Variants in DNAH2 observed in about 807,000 individuals in gnomAD.
DNAH2 encodes dynein axonemal heavy chain 2.
DNAH2 carries 323 observed loss-of-function variants against 523.5 expected under a neutral mutation model. The observed-to-expected ratio is 0.62, with a 90% CI of 0.56 to 0.68. DNAH2 has a LOEUF of 0.68. DNAH2 is among the 30% of genes least tolerant of loss of function. The pLI is 0.00. For missense variants in DNAH2, 4,907 were observed against 5,701.5 expected (o/e 0.86, Z 4.49); for synonymous variants, 2,093 against 2,177.4 (o/e 0.96, Z 1.08).
At chr17:7,824,007 C>T (rs1024281378) in intron 75 of DNAH2, 25 bp downstream of exon 75, 2 of 1,606,996 alleles carry the variant, frequency 1.2e-6, no homozygotes, top group Non-Finnish European at 8.5e-7. Context: ...TTCCTTGTCC[C>T]CACGGCCCAT....
In DNAH2 at chr17:7,740,412, C is replaced by T. The variant is rs1056998559; in HGVS notation, c.1377-8C>T. 2.5e-6 allele frequency: 4 copies of T among 1,613,746 alleles called. No homozygotes were observed. The highest frequency in any genetic ancestry group is 1.3e-5 in the African/African-American group (1 of 74,926). ...ACTCAGCTGCCACATGCCTCTCCAC[C>T]GGTGCAGGTTCCGTGCCGGAATCAA... On this transcript the variant is annotated splice_region_variant and splice_polypyrimidine_tract_variant and intron_variant, in intron 9 of 85. Coordinates refer to ENST00000572933, the MANE Select transcript of DNAH2 (RefSeq NM_020877.5).
chr17:7,738,494 T>C (rs771653814), intron 8 of DNAH2, among the ~76,000 whole-genome samples: 3 of 152,096 alleles, frequency 2.0e-5, no homozygotes, highest in Non-Finnish European at 2.9e-5. Context: ...CATGCCAGGC[T>C]AATTTTTTGT....
intron 64 of DNAH2, 130 bp downstream of exon 64, chr17:7,816,865 G>T (rs2077684477): frequency 8.4e-7 from 1 of 1,196,078 alleles, no homozygotes; most frequent in Non-Finnish European, 1.2e-6. Context: ...AAGAACTGAG[G>T]CGTGGGAGCT....
chr17:7,801,368 T>C (rs558125795), intron 56 of DNAH2, among the ~76,000 whole-genome samples: 3 of 152,290 alleles, frequency 2.0e-5, no homozygotes, highest in South Asian at 4.1e-4. Flanking sequence ...ACCTCGAAAG[T>C]GTAGAACCAG....
Position 7,818,455 on chromosome 17 carries a change from G to C in DNAH2, c.10531G>C (p.Glu3511Gln). 1 of 1,614,156 alleles carries C rather than the reference G, an allele frequency of 6.2e-7. No homozygotes were observed. Among genetic ancestry groups the C allele is most frequent in the Non-Finnish European group, 8.5e-7 (1 of 1,180,010 alleles). ...KTTIVNFAVKEQGLEAQLLGI... is the reference protein window; with the variant it reads ...KTTIVNFAVKQQGLEAQLLGI... ...CACCATCGTCAACTTTGCTGTTAAA[G>C]AACAGGTGGGTACAGGCTGAGGTCC... The change falls in exon 69 of 86, where the codon GAA becomes CAA. Residue 3511 changes from glutamate to glutamine, a missense_variant. Physicochemically the swap from Glu to Gln is conservative, Grantham distance 29 (BLOSUM62 2). This residue lies in a region of DNAH2 where 1,851 missense variants were observed against 2,139.4 expected (regional missense o/e 0.87). Coordinates refer to ENST00000572933, the MANE Select transcript of DNAH2 (RefSeq NM_020877.5).
intron 39 of DNAH2, among the ~76,000 whole-genome samples, chr17:7,781,772 C>T (rs1040441861): frequency 2.6e-5 from 4 of 152,266 alleles, no homozygotes; most frequent in Admixed American, 1.3e-4. Context: ...GTTGCCTTTG[C>T]ACTTTCTCCG....
chr17:7,759,446 A>G lies in DNAH2; in HGVS notation c.2473A>G (p.Met825Val), dbSNP rs775405035. ...PEIQQQWMLY[M>V]IRLDRMMEDA... is the part of the protein sequence containing the mutation. ...GATTCAGCAGCAGTGGATGCTGTAC[A>G]TGATTCGGCTGGACCGCATGATGGA... The change falls in exon 16 of 86, where the codon ATG becomes GTG. Residue 825 changes from methionine (M) to valine (V), a missense_variant. Coordinates refer to ENST00000572933, the MANE Select transcript of DNAH2 (RefSeq NM_020877.5). 6 of 1,613,728 alleles carry G rather than the reference A, an allele frequency of 3.7e-6. No individual in the cohort carries two copies. Among genetic ancestry groups the G allele is most frequent in the Non-Finnish European group, 8.5e-7 (1 of 1,179,774 alleles).
chr17:7,825,154 C>T (rs947422984), intron 77 of DNAH2, among the ~76,000 whole-genome samples: 9 of 152,214 alleles, frequency 5.9e-5, no homozygotes, highest in Admixed American at 1.3e-4. Context: ...CATCCTCTTC[C>T]GAATGTCACA....
chr17:7,741,303 T>TTTCTTTCTTTCC (rs2075331919), intron 11 of DNAH2, among the ~76,000 whole-genome samples: 2 of 76,884 alleles, frequency 2.6e-5, no homozygotes, highest in East Asian at 4.6e-4. Flanking sequence ...TCTTCCTTCC[T>TTTCTTTCTTTCC]TCCCTCCCTC....
Position 7,823,473 on chromosome 17 carries a change from C to T in DNAH2, c.11174C>T (p.Pro3725Leu). ...VLDREGQMDN[P>L]CSSWLADAYW... ...GATCGGGAGGGCCAAATGGACAATC[C>T]ATGTAGTAGCTGGCTTGCAGATGCC... is the stretch of plus-strand genomic sequence containing the variant. The change falls in exon 74 of 86, where the codon CCA becomes CTA. Residue 3725 changes from proline (P) to leucine (L), a missense_variant. Pro to Leu is a moderately conservative substitution (Grantham distance 98). Around this residue, in one of 3 missense-constraint regions of DNAH2, gnomAD observed 1,851 missense variants for 2,139.4 expected, o/e 0.87. Coordinates refer to ENST00000572933, the MANE Select transcript of DNAH2 (RefSeq NM_020877.5). 1 of 1,614,052 alleles carries T rather than the reference C, an allele frequency of 6.2e-7. No homozygotes were observed.
intron 77 of DNAH2, among the ~76,000 whole-genome samples, chr17:7,825,754 C>T (rs1180450329): frequency 3.3e-5 from 5 of 152,224 alleles, no homozygotes; most frequent in Admixed American, 2.6e-4. Context: ...TCTCTGGCAT[C>T]AGCCCCAAAG....
intron 49 of DNAH2, among the ~76,000 whole-genome samples, chr17:7,795,734 C>T (rs911204586): frequency 6.8e-6 from 1 of 147,396 alleles, no homozygotes. Flanking sequence ...CAGTAGCTCT[C>T]GCCTGTAATC....
chr17:7,739,810 G>T lies in DNAH2; in HGVS notation c.1248G>T (p.Gln416His). ...QGPLPCFFGA[Q>H]GPQITRNLLE... ...CCCTTCCTTGCTTCTTTGGTGCCCA[G>T]GGGCCACAGATAACACGGAACTTGC... The change falls in exon 9 of 86, where the codon CAG becomes CAT. Residue 416 changes from glutamine to histidine, a missense_variant. This residue lies in a region of DNAH2 where 2,806 missense variants were observed against 3,190.8 expected (regional missense o/e 0.88). Transcript: ENST00000572933. The T allele has an allele frequency of 1.2e-6, 2 of 1,613,986 alleles. No individual in the cohort carries two copies. Among genetic ancestry groups the T allele is most frequent in the Non-Finnish European group, 1.7e-6 (2 of 1,179,994 alleles).
chr17:7,766,640 CTTT>C (rs58072098), intron 22 of DNAH2, among the ~76,000 whole-genome samples, 159 bp downstream of exon 22: 1 of 84,430 alleles, frequency 1.2e-5, no homozygotes, highest in African/African-American at 4.6e-5. Context: ...AAAATTAATC[CTTT>C]TTTTTTTTTT....
intron 49 of DNAH2, 25 bp from the exon 50 acceptor site, chr17:7,796,439 A>G: frequency 6.2e-7 from 1 of 1,612,116 alleles, no homozygotes; most frequent in Non-Finnish European, 8.5e-7. Context: ...GCAGCCCTGG[A>G]GAGTGAGCCA....
chr17:7,749,596 A>T (rs963037537), intron 12 of DNAH2, among the ~76,000 whole-genome samples: 4 of 152,116 alleles, frequency 2.6e-5, no homozygotes, highest in African/African-American at 9.7e-5. Flanking sequence ...TTTAGGGCTT[A>T]TCTTATTATG....
At position 7,780,489 on chromosome 17, in the gene DNAH2, A is replaced by T; in HGVS notation, c.5851-141A>T. On this transcript the variant is annotated intron_variant, in intron 37 of 85. Transcript: ENST00000572933. This position sits in a 1 kb window ranked among gnomAD's most constrained non-coding sequence, Gnocchi z 4.4. ...TAACTGACAATGGCGTCATTCACAC[A>T]ATTTCCTCAGGAGAATCCATAGAGT... 4 of 1,411,140 alleles carry T rather than the reference A, an allele frequency of 2.8e-6. No homozygotes were observed. Among genetic ancestry groups the T allele is most frequent in the Non-Finnish European group, 1.9e-6 (2 of 1,032,822 alleles). 87.4% of individuals were successfully genotyped at this position (1,411,140 alleles called of 1,614,324 possible).
Position 7,760,943 on chromosome 17 carries a change from A to G in DNAH2, c.2978+11A>G, listed in dbSNP as rs1597567483. 6.2e-7 allele frequency: 1 copy of G among 1,603,924 alleles called. No individual in the cohort carries two copies. The highest frequency in any genetic ancestry group is 8.5e-7 in the Non-Finnish European group (1 of 1,170,802). ...TGCCGACATTGCCCGGTGAGTGGTGAGGGTGGATTGAAAGTCTGTCTGTAG... is the reference window on the plus strand; with the variant it reads ...TGCCGACATTGCCCGGTGAGTGGTGGGGGTGGATTGAAAGTCTGTCTGTAG... On this transcript the variant is annotated intron_variant, in intron 18 of 85. Coordinates refer to ENST00000572933, the MANE Select transcript of DNAH2 (RefSeq NM_020877.5). This position sits in a 1 kb window ranked among gnomAD's most constrained non-coding sequence, Gnocchi z 4.0.
At chr17:7,749,349 G>C (rs144063661) in intron 12 of DNAH2, among the ~76,000 whole-genome samples, 1 of 55,484 alleles carries the variant, frequency 1.8e-5, no homozygotes, top group Non-Finnish European at 3.5e-5. Context: ...AAAAAAAAAA[G>C]AAAGAAAAAA....
Sources: gnomAD v4.1 joint callset for allele counts (sites outside exome capture counted in the v4.1 genomes callset) on GRCh38, gnomAD v4.1.1 for gene constraint, gnomAD v4.1.1 regional missense constraint, Gnocchi (gnomAD v3.1) non-coding constraint, MANE v1.5 for transcripts, NCBI Gene and HGNC (gene_info 2026-07-23, HGNC 2026-07-21) for gene names.